SLCO5A1: variants seen among roughly 807,000 people sequenced by gnomAD.
SLCO5A1 encodes the protein solute carrier organic anion transporter family member 5A1.
A neutral mutation model predicts 65.1 loss-of-function variants in SLCO5A1; 39 were observed. The observed-to-expected ratio is 0.60, with a 90% CI of 0.46 to 0.78. The LOEUF is 0.78. Ranked by LOEUF, SLCO5A1 falls within the 30% of genes least tolerant of loss-of-function variation. The pLI is 0.00. For synonymous variants in SLCO5A1, 438 were observed against 415.7 expected, an observed-to-expected ratio of 1.05 and a Z score of -0.65; for missense variants, 1,029 against 1,069.4, an observed-to-expected ratio of 0.96 and a Z score of 0.53.
At chr8:69,689,709 G>T (rs1814159202) in intron 6 of SLCO5A1, among the ~76,000 whole-genome samples, 2 of 148,270 alleles carry the variant, frequency 1.3e-5, no homozygotes, top group South Asian at 4.3e-4. Flanking sequence ...TCTCTGTTTT[G>T]GTACCAGTAC....
In SLCO5A1 at chr8:69,832,131, C is replaced by A. The variant is rs780066093; in HGVS notation, c.543G>T (p.Val181=). 6.2e-7 allele frequency: 1 copy of A among 1,614,186 alleles called. No individual in the cohort carries two copies. Among genetic ancestry groups the A allele is most frequent in the Non-Finnish European group, 8.5e-7 (1 of 1,180,050 alleles). The change falls in exon 2 of 10, where the codon GTG becomes GTT. Residue 181 remains valine, a synonymous_variant. Coordinates refer to ENST00000260126, the MANE Select transcript of SLCO5A1 (RefSeq NM_030958.3). The surrounding 1 kb of genome is among the most constrained non-coding windows in gnomAD (Gnocchi z 4.5). ...CGCCGAAGTAGCTGACGAACACCAC[C>A]ACCACCAGGTTCCCGATGTCAAAGC... ...VSCFDIGNLV[V]VVFVSYFGGR...
At chr8:69,758,223 G>A (rs1817607413) in intron 3 of SLCO5A1, among the ~76,000 whole-genome samples, 1 of 152,070 alleles carries the variant, frequency 6.6e-6, no homozygotes, top group South Asian at 2.1e-4. Flanking sequence ...GCCTCACTCT[G>A]TCACCCAGGC....
intron 2 of SLCO5A1, among the ~76,000 whole-genome samples, chr8:69,803,531 A>G (rs548966640): frequency 2.0e-4 from 31 of 152,234 alleles, no homozygotes; most frequent in African/African-American, 7.2e-4. Context: ...CTCTGTCTCA[A>G]AAAAAAACAA....
intron 4 of SLCO5A1, among the ~76,000 whole-genome samples, chr8:69,753,623 A>C (rs1191440108): frequency 6.6e-6 from 1 of 152,198 alleles, no homozygotes; most frequent in Admixed American, 6.5e-5. Flanking sequence ...TTCATATTCA[A>C]GTCACCTAAC....
intron 2 of SLCO5A1, among the ~76,000 whole-genome samples, chr8:69,782,275 A>G (rs1258244746): frequency 1.3e-5 from 2 of 152,232 alleles, no homozygotes; most frequent in East Asian, 3.9e-4. Context: ...AAGTTATATA[A>G]AAAGGTTAAA....
intron 2 of SLCO5A1, among the ~76,000 whole-genome samples, chr8:69,822,993 T>A (rs1235343627): frequency 6.6e-6 from 1 of 152,216 alleles, no homozygotes; most frequent in Middle Eastern, 3.2e-3. Context: ...ACCATGCCAA[T>A]CATTATTGAT....
At chr8:69,736,536 T>C (rs1372777940) in intron 5 of SLCO5A1, among the ~76,000 whole-genome samples, 1 of 152,180 alleles carries the variant, frequency 6.6e-6, no homozygotes, top group Non-Finnish European at 1.5e-5. Flanking sequence ...ACAGTATGGC[T>C]TCCCTATGTG....
At chr8:69,744,130 A>G (rs948471321) in intron 4 of SLCO5A1, among the ~76,000 whole-genome samples, 8 of 152,086 alleles carry the variant, frequency 5.3e-5, no homozygotes, top group Admixed American at 5.2e-4. Flanking sequence ...GAAAGGATCT[A>G]TATCATGTCT....
At chr8:69,786,457 G>A (rs1819043389) in intron 2 of SLCO5A1, among the ~76,000 whole-genome samples, 1 of 152,184 alleles carries the variant, frequency 6.6e-6, no homozygotes, top group Admixed American at 6.5e-5. Context: ...ATTATATGCT[G>A]TCCCTAGCAG....
At chr8:69,750,912 A>G (rs1490484307) in intron 4 of SLCO5A1, among the ~76,000 whole-genome samples, 2 of 152,216 alleles carry the variant, frequency 1.3e-5, no homozygotes, top group Non-Finnish European at 2.9e-5. Context: ...TATAGAGTGA[A>G]CATTCAGTGA....
chr8:69,775,192 G>T (rs755676982), intron 2 of SLCO5A1, among the ~76,000 whole-genome samples: 10 of 152,114 alleles, frequency 6.6e-5, no homozygotes, highest in Non-Finnish European at 7.4e-5. Context: ...CTTTCTCCTC[G>T]CTGCCATAGA....
At chr8:69,780,112 CACCA>C (rs1818731230) in intron 2 of SLCO5A1, among the ~76,000 whole-genome samples, 1 of 152,116 alleles carries the variant, frequency 6.6e-6, no homozygotes, top group African/African-American at 2.4e-5. Context: ...TATAATCTTA[CACCA>C]ACCAGAATGG....
Position 69,682,618 on chromosome 8 carries a change from C to T in SLCO5A1, c.1623-275G>A, listed in dbSNP as rs2933077. 8.5e-3 allele frequency among the ~76,000 whole-genome samples: 1,288 copies of T among 152,302 alleles called. 18 individuals carry two copies. The highest frequency in any genetic ancestry group is 0.023 in the South Asian group (110 of 4,830). ...CACCCTCCCTCTTGGTGCTATGAAC[C>T]TGGTCTCAACATCTGGGCTCTGCAA... On this transcript the variant is annotated intron_variant, in intron 6 of 9. Transcript: ENST00000260126.
chr8:69,732,124 T>A (rs1245288414), intron 5 of SLCO5A1, among the ~76,000 whole-genome samples: 1 of 152,216 alleles, frequency 6.6e-6, no homozygotes, highest in East Asian at 1.9e-4. Context: ...GGCTGCAATT[T>A]AAGTTCAGTG....
chr8:69,789,535 G>T (rs949805631), intron 2 of SLCO5A1, among the ~76,000 whole-genome samples: 1 of 152,204 alleles, frequency 6.6e-6, no homozygotes, highest in African/African-American at 2.4e-5. Context: ...GTGGGGGAGT[G>T]GCCGGGGAAT....
chr8:69,768,006 G>C (rs757296105), intron 2 of SLCO5A1, among the ~76,000 whole-genome samples: 2 of 151,932 alleles, frequency 1.3e-5, no homozygotes, highest in African/African-American at 4.8e-5. Context: ...GCTGAGGCAG[G>C]CTGATTGCTT....
intron 2 of SLCO5A1, among the ~76,000 whole-genome samples, chr8:69,784,878 A>AGG (rs1563722902): frequency 6.2e-5 from 9 of 145,972 alleles, no homozygotes; most frequent in African/African-American, 2.3e-4. Flanking sequence ...GGAAGGAGAA[A>AGG]GAAAGAAAGA....
intron 5 of SLCO5A1, among the ~76,000 whole-genome samples, chr8:69,734,158 G>A (rs1483236559): frequency 2.0e-5 from 3 of 152,164 alleles, no homozygotes; most frequent in Non-Finnish European, 4.4e-5. Context: ...TACAGCATGA[G>A]AGAAGTGGAG....
intron 2 of SLCO5A1, among the ~76,000 whole-genome samples, chr8:69,803,752 G>A (rs1472774644): frequency 6.6e-6 from 1 of 152,120 alleles, no homozygotes; most frequent in Non-Finnish European, 1.5e-5. Flanking sequence ...ACTTTGGGAG[G>A]CCATGGTGGA....
Sources: gnomAD v4.1 joint callset for allele counts (sites outside exome capture counted in the v4.1 genomes callset) on GRCh38, gnomAD v4.1.1 for gene constraint, Gnocchi (gnomAD v3.1) non-coding constraint, MANE v1.5 for transcripts, NCBI Gene and HGNC (gene_info 2026-07-23, HGNC 2026-07-21) for gene names.